HPSE2: variants seen among roughly 807,000 people sequenced by gnomAD.
The protein encoded by HPSE2 is heparanase 2 (inactive).
HPSE2 carries 38 observed loss-of-function variants against 60.5 expected under a neutral mutation model. The ratio of observed to expected loss-of-function variants is 0.63; its 90% confidence interval spans 0.48 to 0.82. HPSE2 has a LOEUF of 0.82. Ranked by LOEUF, HPSE2 falls within the 40% of genes least tolerant of loss-of-function variation. HPSE2 has a pLI of 0.00. For synonymous variants in HPSE2, 295 were observed against 293.2 expected, an observed-to-expected ratio of 1.01 and a Z score of -0.06; for missense variants, 713 against 740.4, an observed-to-expected ratio of 0.96 and a Z score of 0.43.
At chr10:98,708,667 T>C (rs548917823) in intron 5 of HPSE2, among the ~76,000 whole-genome samples, 4 of 152,104 alleles carry the variant, frequency 2.6e-5, no homozygotes, top group Admixed American at 6.5e-5. Flanking sequence ...ACTTCAACCA[T>C]ATGGAAGCAT....
At chr10:98,760,872 T>C (rs1949989248) in intron 3 of HPSE2, among the ~76,000 whole-genome samples, 1 of 152,112 alleles carries the variant, frequency 6.6e-6, no homozygotes, top group Non-Finnish European at 1.5e-5. Flanking sequence ...CTTCAATTTT[T>C]TGGATGAGTT....
At chr10:99,195,370 A>G (rs1848359078) in intron 2 of HPSE2, among the ~76,000 whole-genome samples, 1 of 152,042 alleles carries the variant, frequency 6.6e-6, no homozygotes, top group African/African-American at 2.4e-5. Context: ...ATATAGCAAT[A>G]AGACGAGAAA....
intron 6 of HPSE2, among the ~76,000 whole-genome samples, chr10:98,644,258 G>C (rs893354641): frequency 6.6e-6 from 1 of 152,124 alleles, no homozygotes; most frequent in African/African-American, 2.4e-5. Flanking sequence ...TGCTGGGCAC[G>C]GGACCTGTCA....
At chr10:99,183,858 G>A (rs947537723) in intron 2 of HPSE2, among the ~76,000 whole-genome samples, 3 of 152,130 alleles carry the variant, frequency 2.0e-5, no homozygotes, top group Admixed American at 6.5e-5. Flanking sequence ...TTCATAACAC[G>A]TAAGGCACTG....
intron 2 of HPSE2, among the ~76,000 whole-genome samples, chr10:99,178,116 G>C (rs1847604342): frequency 6.6e-6 from 1 of 151,938 alleles, no homozygotes; most frequent in Non-Finnish European, 1.5e-5. Context: ...CACAGCTAAA[G>C]CAGTGTTTAG....
intron 3 of HPSE2, among the ~76,000 whole-genome samples, chr10:98,804,128 G>C (rs993214627): frequency 1.3e-5 from 2 of 152,110 alleles, no homozygotes; most frequent in African/African-American, 4.8e-5. Flanking sequence ...CTGTTTATCT[G>C]TTATTAGTGT....
intron 3 of HPSE2, among the ~76,000 whole-genome samples, chr10:99,029,319 C>A (rs1957445593): frequency 6.6e-6 from 1 of 152,180 alleles, no homozygotes; most frequent in Non-Finnish European, 1.5e-5. Flanking sequence ...ACCAGCCCCA[C>A]AGGGTCGGTG....
chr10:98,895,257 G>C (rs1053300227), intron 3 of HPSE2, among the ~76,000 whole-genome samples: 2 of 151,988 alleles, frequency 1.3e-5, no homozygotes, highest in Non-Finnish European at 2.9e-5. Flanking sequence ...GAAAAAAATA[G>C]CATATAGAAA....
intron 9 of HPSE2, among the ~76,000 whole-genome samples, chr10:98,494,203 G>A (rs753731107): frequency 6.6e-6 from 1 of 152,148 alleles, no homozygotes; most frequent in Non-Finnish European, 1.5e-5. Flanking sequence ...CCTGCAAGCA[G>A]TTTTGCCATG....
intron 9 of HPSE2, among the ~76,000 whole-genome samples, chr10:98,610,572 A>G (rs1458820330): frequency 6.6e-6 from 1 of 152,210 alleles, no homozygotes; most frequent in Non-Finnish European, 1.5e-5. Flanking sequence ...AAATGAATGT[A>G]TATGATTCAT....
intron 6 of HPSE2, among the ~76,000 whole-genome samples, chr10:98,657,632 C>T (rs773915648): frequency 2.0e-5 from 3 of 152,178 alleles, no homozygotes; most frequent in African/African-American, 4.8e-5. Flanking sequence ...CCACCATGCC[C>T]GGCCCCAAAT....
chr10:98,747,556 A>C (rs1221742070), intron 3 of HPSE2, among the ~76,000 whole-genome samples: 2 of 152,234 alleles, frequency 1.3e-5, no homozygotes, highest in Admixed American at 6.5e-5. Context: ...AACAGTATGG[A>C]TAGTTTGTTC....
intron 3 of HPSE2, among the ~76,000 whole-genome samples, chr10:99,006,317 C>T (rs1385629308): frequency 6.6e-6 from 1 of 151,990 alleles, no homozygotes; most frequent in Non-Finnish European, 1.5e-5. Flanking sequence ...CAGGCCTGGA[C>T]CCTGGATCTG....
At chr10:99,058,708 T>A (rs1344599981) in intron 3 of HPSE2, among the ~76,000 whole-genome samples, 1 of 152,220 alleles carries the variant, frequency 6.6e-6, no homozygotes, top group African/African-American at 2.4e-5. Context: ...GTAACTGTCA[T>A]AATAATGAAA....
At chr10:99,072,232 C>T (rs1186303184) in intron 3 of HPSE2, among the ~76,000 whole-genome samples, 2 of 152,026 alleles carry the variant, frequency 1.3e-5, no homozygotes, top group Non-Finnish European at 2.9e-5. Flanking sequence ...TCAGGACATA[C>T]ACGCCAGCAA....
At chr10:98,530,824 C>T (rs1039373802) in intron 9 of HPSE2, among the ~76,000 whole-genome samples, 6 of 152,138 alleles carry the variant, frequency 3.9e-5, no homozygotes, top group Non-Finnish European at 7.4e-5. Flanking sequence ...CTCCCACCCC[C>T]GAGGTGGCCC....
chr10:99,016,774 TTG>T (rs368305392), intron 3 of HPSE2, among the ~76,000 whole-genome samples: 5 of 151,128 alleles, frequency 3.3e-5, no homozygotes, highest in African/African-American at 4.9e-5. Flanking sequence ...CTTAGGTATT[TTG>T]TGTGTGTGTG....
At chr10:98,932,045 C>T (rs1954655982) in intron 3 of HPSE2, among the ~76,000 whole-genome samples, 1 of 143,678 alleles carries the variant, frequency 7.0e-6, no homozygotes, top group African/African-American at 2.8e-5. Context: ...TTGTCTTGTG[C>T]CACTTTTCAA....
chr10:98,580,840 G>A (rs368155799), intron 9 of HPSE2, among the ~76,000 whole-genome samples: 87 of 69,628 alleles, frequency 1.2e-3, no homozygotes, highest in East Asian at 4.8e-3. Context: ...ATATATATGT[G>A]TGTGTGTGTG....
Sources: allele counts gnomAD v4.1 joint callset (sites outside exome capture counted in the v4.1 genomes callset), GRCh38; gene constraint gnomAD v4.1.1; transcripts MANE v1.5; gene names NCBI Gene and HGNC (gene_info 2026-07-23, HGNC 2026-07-21).